ACER3: variants seen among roughly 807,000 people sequenced by gnomAD.
ACER3 encodes alkaline ceramidase 3.
ACER3 carries 16 observed loss-of-function variants against 48.9 expected under a neutral mutation model. The observed-to-expected ratio is 0.33, with a 90% confidence interval of 0.22 to 0.50. The LOEUF (loss-of-function observed/expected upper bound fraction) is 0.50, where lower values mean the gene tolerates loss of function less well. Among genes scored for constraint, ACER3 ranks in the 20% least tolerant of loss-of-function variants. The probability of loss-of-function intolerance (pLI) is 0.98; values close to 1 mark genes in which losing one functional copy is unlikely to be tolerated. For synonymous variants in ACER3, 109 were observed against 107.8 expected (o/e 1.01, Z -0.07); for missense variants, 227 against 326.0 (o/e 0.70, Z 2.34).
intron 1 of ACER3, among the ~76,000 whole-genome samples, chr11:76,878,571 G>A (rs1000962246): frequency 7.2e-5 from 11 of 152,178 alleles, no homozygotes; most frequent in Admixed American, 5.2e-4. Flanking sequence ...TAGTTTATCT[G>A]TTTTCCTATT....
intron 5 of ACER3, 55 bp downstream of exon 5, chr11:76,985,779 G>A: frequency 1.8e-6 from 2 of 1,086,202 alleles, no homozygotes; most frequent in Non-Finnish European, 2.6e-6. Flanking sequence ...CATTTATGGA[G>A]TTTGACATAT....
chr11:76,875,793 T>TCATGGA (rs1945365655), intron 1 of ACER3, among the ~76,000 whole-genome samples: 2 of 133,364 alleles, frequency 1.5e-5, no homozygotes, highest in Non-Finnish European at 3.1e-5. Flanking sequence ...TGGAGTGCAG[T>TCATGGA]GGCATGATCT....
At chr11:76,932,689 C>A (rs376357387) in intron 2 of ACER3, among the ~76,000 whole-genome samples, 1 of 152,146 alleles carries the variant, frequency 6.6e-6, no homozygotes, top group Non-Finnish European at 1.5e-5. Flanking sequence ...AATAGAACTA[C>A]GTGCAACCCA....
chr11:76,941,379 T>C (rs931616570), intron 2 of ACER3, among the ~76,000 whole-genome samples: 4 of 152,206 alleles, frequency 2.6e-5, no homozygotes, highest in Non-Finnish European at 5.9e-5. Context: ...AAATATTTAC[T>C]GAATATCTAT....
At chr11:76,862,508 G>T (rs928447644) in intron 1 of ACER3, among the ~76,000 whole-genome samples, 1 of 152,182 alleles carries the variant, frequency 6.6e-6, no homozygotes, top group Non-Finnish European at 1.5e-5. Context: ...AGATCACTTT[G>T]GCAAGCCCAT....
chr11:76,886,644 A>G (rs1376037441), intron 1 of ACER3, among the ~76,000 whole-genome samples: 1 of 152,198 alleles, frequency 6.6e-6, no homozygotes, highest in Non-Finnish European at 1.5e-5. Context: ...GAGAAATCAT[A>G]CAAAGCATGC....
chr11:77,011,063 G>T (rs1275632207), intron 7 of ACER3, among the ~76,000 whole-genome samples: 1 of 152,026 alleles, frequency 6.6e-6, no homozygotes, highest in African/African-American at 2.4e-5. Context: ...GAGAGGTGAA[G>T]GCAGTTCCTA....
intron 7 of ACER3, among the ~76,000 whole-genome samples, chr11:77,003,252 C>T (rs1475840854): frequency 6.6e-6 from 1 of 152,084 alleles, no homozygotes; most frequent in Non-Finnish European, 1.5e-5. Context: ...TGAAGACTTG[C>T]AGCTATTCAA....
At chr11:76,901,261 T>C (rs536510431) in intron 1 of ACER3, among the ~76,000 whole-genome samples, 1 of 124,148 alleles carries the variant, frequency 8.1e-6, no homozygotes, top group East Asian at 2.3e-4. Context: ...TCCAACATTG[T>C]CCAACATTTA....
At chr11:76,987,071 GAAAAA>G (rs1165557216) in intron 5 of ACER3, among the ~76,000 whole-genome samples, 1 of 151,328 alleles carries the variant, frequency 6.6e-6, no homozygotes, top group Non-Finnish European at 1.5e-5. Flanking sequence ...GTCTCAAAAA[GAAAAA>G]AAAGAAAAGA....
intron 1 of ACER3, among the ~76,000 whole-genome samples, chr11:76,918,018 G>GT (rs2062509304): frequency 6.6e-6 from 1 of 152,082 alleles, no homozygotes; most frequent in Non-Finnish European, 1.5e-5. Flanking sequence ...CCCGCTAAGT[G>GT]TATTGGTTTT....
intron 1 of ACER3, among the ~76,000 whole-genome samples, chr11:76,878,606 T>C (rs1258965976): frequency 6.6e-6 from 1 of 152,094 alleles, no homozygotes; most frequent in Non-Finnish European, 1.5e-5. Context: ...CTGTTCCCAG[T>C]TTTTGGCTAT....
chr11:76,916,433 TGAG>T, intron 1 of ACER3, among the ~76,000 whole-genome samples: 1 of 152,324 alleles, frequency 6.6e-6, no homozygotes, highest in African/African-American at 2.4e-5. Flanking sequence ...GAAATGTAAC[TGAG>T]GAGATAAGTC....
chr11:76,930,384 C>T (rs1489458667), intron 2 of ACER3, among the ~76,000 whole-genome samples: 1 of 152,158 alleles, frequency 6.6e-6, no homozygotes, highest in East Asian at 1.9e-4. Context: ...TGCTAGAGGT[C>T]TATTAATTTT....
At chr11:76,865,991 GTT>G (rs201031925) in intron 1 of ACER3, among the ~76,000 whole-genome samples, 67 of 128,268 alleles carry the variant, frequency 5.2e-4, no homozygotes, top group African/African-American at 1.6e-3. Context: ...TTTGTTTTTT[GTT>G]TTTTTTTTTT....
intron 2 of ACER3, among the ~76,000 whole-genome samples, chr11:76,933,188 A>G (rs1334560957): frequency 6.8e-6 from 1 of 147,376 alleles, no homozygotes; most frequent in Non-Finnish European, 1.5e-5. Context: ...ATATATATAT[A>G]TATATGAAAC....
chr11:76,989,395 T>C (rs1431665378), intron 5 of ACER3, among the ~76,000 whole-genome samples: 1 of 152,082 alleles, frequency 6.6e-6, no homozygotes, highest in African/African-American at 2.4e-5. Context: ...TATTATAGTC[T>C]TGTAGGGAGA....
chr11:76,901,155 G>A (rs1027484095), intron 1 of ACER3, among the ~76,000 whole-genome samples: 6 of 151,574 alleles, frequency 4.0e-5, no homozygotes, highest in Admixed American at 6.6e-5. Context: ...ATGGTCCTTC[G>A]GATCCCCTGA....
chr11:76,947,907 G>A (rs1212390137), intron 2 of ACER3, among the ~76,000 whole-genome samples: 1 of 152,162 alleles, frequency 6.6e-6, no homozygotes, highest in Admixed American at 6.5e-5. Context: ...AATCAGAGAT[G>A]CAGAACCACA....
Sources: allele counts gnomAD v4.1 joint callset (sites outside exome capture counted in the v4.1 genomes callset), GRCh38; gene constraint gnomAD v4.1.1; transcripts MANE v1.5; gene names NCBI Gene and HGNC (gene_info 2026-07-23, HGNC 2026-07-21).